Variants in ASTN2 observed in about 807,000 individuals in gnomAD.
ASTN2 encodes astrotactin 2.
ASTN2 carries 54 observed loss-of-function variants against 139.8 expected under a neutral mutation model. The ratio of observed to expected loss-of-function variants is 0.39; its 90% CI spans 0.31 to 0.48. The LOEUF is 0.48. ASTN2 is among the 20% of genes least tolerant of loss of function. The pLI is 0.95. For missense variants in ASTN2, 1,565 were observed against 1,725.1 expected, an observed-to-expected ratio of 0.91 and a Z score of 1.64; for synonymous variants, 756 against 719.5, an observed-to-expected ratio of 1.05 and a Z score of -0.81.
intron 20 of ASTN2, among the ~76,000 whole-genome samples, chr9:116,464,358 T>A (rs1189392047): frequency 6.6e-6 from 1 of 152,168 alleles, no homozygotes; most frequent in Non-Finnish European, 1.5e-5. Flanking sequence ...ATTATTTGTT[T>A]GCTATTCACT....
intron 13 of ASTN2, among the ~76,000 whole-genome samples, chr9:116,737,260 G>C (rs1462025224): frequency 6.6e-6 from 1 of 152,168 alleles, no homozygotes; most frequent in East Asian, 1.9e-4. Context: ...CCTTTGCATC[G>C]ATCAGCTGTT....
At chr9:117,297,465 C>T (rs1216597098) in intron 1 of ASTN2, among the ~76,000 whole-genome samples, 2 of 152,160 alleles carry the variant, frequency 1.3e-5, no homozygotes, top group Admixed American at 1.3e-4. Context: ...AAAGCTTTAT[C>T]ATCTCTCTCA....
At chr9:117,113,368 T>C (rs760408259) in intron 4 of ASTN2, among the ~76,000 whole-genome samples, 9 of 152,264 alleles carry the variant, frequency 5.9e-5, no homozygotes, top group Non-Finnish European at 1.0e-4. Flanking sequence ...AAATACAGCA[T>C]ATTTAGGCCA....
In ASTN2 at chr9:116,423,837, C is replaced by T. The variant is rs1847242486; in HGVS notation, c.*2014G>A. On this transcript the variant is annotated 3_prime_UTR_variant, in exon 23 of 23. Transcript: ENST00000313400. The stretch of plus-strand genomic sequence containing the variant: ...AAAATGCGCTCAATATGTAGGTTAT[C>T]AGGAAGGGGATTGTCAATCTCATCA... Among the ~76,000 whole-genome samples, 1 of 152,146 alleles carries T rather than the reference C, an allele frequency of 6.6e-6. No individual in the cohort carries two copies. Among genetic ancestry groups the T allele is most frequent in the Non-Finnish European group, 1.5e-5 (1 of 68,044 alleles).
At chr9:116,859,517 G>A (rs6478258) in intron 11 of ASTN2, among the ~76,000 whole-genome samples, 48,476 of 152,090 alleles carry the variant, frequency 0.32, 7,974 homozygotes, top group South Asian at 0.39. Flanking sequence ...CAATAATAAA[G>A]CAATAGAAGC....
At chr9:116,807,533 C>T (rs186593744) in intron 12 of ASTN2, among the ~76,000 whole-genome samples, 2 of 152,194 alleles carry the variant, frequency 1.3e-5, no homozygotes, top group African/African-American at 4.8e-5. Flanking sequence ...TGTCTCAGAG[C>T]CTTGGTAAAG....
At chr9:116,527,512 A>C (rs1851145622) in intron 19 of ASTN2, among the ~76,000 whole-genome samples, 1 of 152,238 alleles carries the variant, frequency 6.6e-6, no homozygotes, top group Non-Finnish European at 1.5e-5. Context: ...ACTATCAAAA[A>C]GATGAAAAGT....
rs181646951 is a variant in ASTN2, at chr9:117,217,014, G to T, written c.631-2272C>A. Among the ~76,000 whole-genome samples the T allele has an allele frequency of 5.9e-5, 9 of 152,296 alleles. No individual in the cohort carries two copies. In the East Asian group the frequency reaches 1.4e-3, roughly 23 times the overall value. On this transcript the variant is annotated intron_variant, in intron 2 of 22. Coordinates refer to ENST00000313400, the MANE Select transcript of ASTN2 (RefSeq NM_001365068.1). Reference sequence around the variant, plus strand: ...CAGTCAGGATTTAATTCCAGGTCCAGCTGGATTCAAAGGGCCAGGAAGTGG... The same window carrying T: ...CAGTCAGGATTTAATTCCAGGTCCATCTGGATTCAAAGGGCCAGGAAGTGG...
intron 3 of ASTN2, among the ~76,000 whole-genome samples, chr9:117,174,140 T>A (rs1359129707): frequency 6.6e-6 from 1 of 151,284 alleles, no homozygotes; most frequent in Non-Finnish European, 1.5e-5. Context: ...GATAGATAGA[T>A]AGATAGATAG....
intron 17 of ASTN2, among the ~76,000 whole-genome samples, chr9:116,636,261 G>A (rs1857069690): frequency 6.6e-6 from 1 of 152,164 alleles, no homozygotes; most frequent in Non-Finnish European, 1.5e-5. Context: ...TTGTGACCCA[G>A]GATAAGTCTA....
rs1019683451 is a variant in ASTN2 at position 117,206,186 on chromosome 9, G to A, written c.1015+8172C>T. 4.6e-5 allele frequency among the ~76,000 whole-genome samples: 7 copies of A among 152,302 alleles called. No homozygotes were observed. The East Asian group carries it at 1.2e-3, about 25-fold the overall frequency. On this transcript the variant is annotated intron_variant, in intron 3 of 22. Coordinates refer to ENST00000313400, the MANE Select transcript of ASTN2 (RefSeq NM_001365068.1). The stretch of plus-strand genomic sequence containing the variant: ...AGCACCGAAATGCAGCAGAAGAGTG[G>A]AGAAGCATCTGTGGTGACAGGAAGT...
At chr9:116,606,087 C>T (rs1457724102) in intron 19 of ASTN2, among the ~76,000 whole-genome samples, 1 of 152,120 alleles carries the variant, frequency 6.6e-6, no homozygotes, top group African/African-American at 2.4e-5. Context: ...GAAACCCATG[C>T]CAATTGTTCT....
chr9:116,671,632 C>T (rs1010537766), intron 16 of ASTN2, among the ~76,000 whole-genome samples: 1 of 152,092 alleles, frequency 6.6e-6, no homozygotes, highest in African/African-American at 2.4e-5. Context: ...GAGGATGCCA[C>T]TTCTGTGATT....
intron 13 of ASTN2, among the ~76,000 whole-genome samples, chr9:116,743,801 C>G (rs957690455): frequency 2.2e-4 from 34 of 152,262 alleles, no homozygotes; most frequent in African/African-American, 7.5e-4. Flanking sequence ...CCGTACCAGG[C>G]AGAAACATGT....
At chr9:116,508,170 C>T (rs149683371) in intron 19 of ASTN2, among the ~76,000 whole-genome samples, 5 of 152,170 alleles carry the variant, frequency 3.3e-5, no homozygotes, top group African/African-American at 1.2e-4. Flanking sequence ...GGATTACAGG[C>T]GTGAGCCACC....
intron 7 of ASTN2, among the ~76,000 whole-genome samples, chr9:116,990,608 C>T (rs1408022131): frequency 6.6e-6 from 1 of 152,130 alleles, no homozygotes; most frequent in African/African-American, 2.4e-5. Context: ...TTTCTCTTCC[C>T]TTGTCTTCCC....
chr9:116,955,547 A>G (rs552291114), intron 10 of ASTN2, among the ~76,000 whole-genome samples: 2 of 152,232 alleles, frequency 1.3e-5, no homozygotes, highest in African/African-American at 4.8e-5. Context: ...GTCAGTTATT[A>G]TAGTAAACCT....
chr9:117,154,351 G>A (rs757274665), intron 3 of ASTN2, among the ~76,000 whole-genome samples: 22 of 151,746 alleles, frequency 1.4e-4, no homozygotes, highest in African/African-American at 3.1e-4. Context: ...ATTACATGCC[G>A]TCACCATCAA....
intron 10 of ASTN2, among the ~76,000 whole-genome samples, chr9:116,968,391 G>A (rs1836080058): frequency 2.0e-5 from 3 of 152,192 alleles, no homozygotes; most frequent in Admixed American, 2.0e-4. Flanking sequence ...CAGTCACACA[G>A]GAACATCTGT....
Sources: gnomAD v4.1 joint callset for allele counts (sites outside exome capture counted in the v4.1 genomes callset) on GRCh38, gnomAD v4.1.1 for gene constraint, MANE v1.5 for transcripts, NCBI Gene and HGNC (gene_info 2026-07-23, HGNC 2026-07-21) for gene names.